MCCC2: variants seen among roughly 807,000 people sequenced by gnomAD.
MCCC2 encodes the protein methylcrotonyl-CoA carboxylase subunit 2.
In MCCC2, 52 loss-of-function variants were observed where a neutral mutation model predicts 77.2. That is an observed-to-expected ratio of 0.67 (90% CI 0.54 to 0.85). The LOEUF is 0.85. Among genes scored for constraint, MCCC2 ranks in the 40% least tolerant of loss-of-function variants. The probability of loss-of-function intolerance (pLI) is 0.00; values close to 1 mark genes in which losing one functional copy is unlikely to be tolerated. For missense variants in MCCC2, 682 were observed against 703.2 expected, an observed-to-expected ratio of 0.97 and a Z score of 0.34; for synonymous variants, 253 against 248.4, an observed-to-expected ratio of 1.02 and a Z score of -0.18.
At chr5:71,631,839 C>T (rs1048460916) in intron 7 of MCCC2, among the ~76,000 whole-genome samples, 12 of 152,200 alleles carry the variant, frequency 7.9e-5, no homozygotes, top group Non-Finnish European at 1.3e-4. Flanking sequence ...CGCGCCCGGC[C>T]AGGTCTTTCA....
At chr5:71,641,207 T>C (rs936821122) in intron 11 of MCCC2, 132 bp downstream of exon 11, 3 of 784,102 alleles carry the variant, frequency 3.8e-6, no homozygotes, top group Non-Finnish European at 6.5e-6. Flanking sequence ...TGAGCCACTT[T>C]TAAAAGGAAC....
intron 3 of MCCC2, 141 bp from the exon 4 acceptor site, chr5:71,599,518 T>C: frequency 1.4e-6 from 1 of 724,566 alleles, no homozygotes; most frequent in Non-Finnish European, 2.4e-6. Context: ...TTTTAGATTT[T>C]TAAAAATAGA....
At chr5:71,652,812 G>C in intron 16 of MCCC2, 58 bp downstream of exon 16, 1 of 1,376,928 alleles carries the variant, frequency 7.3e-7, no homozygotes, top group Non-Finnish European at 1.0e-6. Context: ...CAGAGGAACA[G>C]CTTTACAGAG....
intron 7 of MCCC2, 75 bp from the exon 8 acceptor site, chr5:71,632,046 A>G: frequency 8.2e-7 from 1 of 1,216,772 alleles, no homozygotes; most frequent in Non-Finnish European, 1.2e-6. Flanking sequence ...TCAGGTGAGG[A>G]GTTGTGCATG....
chr5:71,637,096 A>G (rs1359430086), intron 10 of MCCC2, among the ~76,000 whole-genome samples: 2 of 152,212 alleles, frequency 1.3e-5, no homozygotes, highest in Middle Eastern at 3.2e-3. Flanking sequence ...TTTTAAGTTC[A>G]GCTTAAAGAT....
At chr5:71,631,475 C>G (rs1746709097) in intron 7 of MCCC2, among the ~76,000 whole-genome samples, 1 of 151,304 alleles carries the variant, frequency 6.6e-6, no homozygotes, top group African/African-American at 2.4e-5. Context: ...GACACAAAGT[C>G]TTGACCACAT....
intron 7 of MCCC2, 73 bp from the exon 8 acceptor site, chr5:71,632,048 T>G: frequency 8.0e-7 from 1 of 1,244,442 alleles, no homozygotes; most frequent in Non-Finnish European, 1.2e-6. Flanking sequence ...AGGTGAGGAG[T>G]TGTGCATGTT....
intron 6 of MCCC2, among the ~76,000 whole-genome samples, chr5:71,608,891 T>A (rs1745799962): frequency 6.6e-6 from 1 of 152,224 alleles, no homozygotes; most frequent in Non-Finnish European, 1.5e-5. Flanking sequence ...ATGTTGAATA[T>A]TGGCCCCTAG....
chr5:71,602,423 G>A (rs565246830), intron 4 of MCCC2, 83 bp from the exon 5 acceptor site: 2 of 1,558,064 alleles, frequency 1.3e-6, no homozygotes, highest in Admixed American at 1.7e-5. Context: ...GTTGAAGGTT[G>A]TATTGGGGTA....
chr5:71,620,911 G>A (rs182936489), intron 6 of MCCC2, among the ~76,000 whole-genome samples: 2 of 152,248 alleles, frequency 1.3e-5, no homozygotes, highest in East Asian at 1.9e-4. Context: ...CATCTCACTG[G>A]TGACTGGGTG....
intron 4 of MCCC2, 81 bp downstream of exon 4, chr5:71,599,841 A>C: frequency 1.8e-6 from 2 of 1,102,466 alleles, no homozygotes; most frequent in Non-Finnish European, 2.8e-6. Flanking sequence ...CTCACTTTGC[A>C]TATTAGCATG....
At chr5:71,599,538 C>T in intron 3 of MCCC2, 121 bp from the exon 4 acceptor site, 1 of 766,154 alleles carries the variant, frequency 1.3e-6, no homozygotes, top group South Asian at 1.5e-5. Context: ...ATTTTATATA[C>T]AACATGTGTA....
chr5:71,615,570 G>A (rs7729450), intron 6 of MCCC2, among the ~76,000 whole-genome samples: 3,810 of 152,108 alleles, frequency 0.025, 153 homozygotes, highest in African/African-American at 0.086. Context: ...TGCTTTCTCA[G>A]TCAATTTCCT....
In MCCC2 at chr5:71,632,108, A is replaced by G; in HGVS notation, c.739-13A>G. ...TGGACCGATTTCACTGATGATTTTT[A>G]TCCTTGTTGTAGGTTAAAGCGGCAA... On this transcript the variant is annotated splice_polypyrimidine_tract_variant and intron_variant, in intron 7 of 16. Coordinates refer to ENST00000340941, the MANE Select transcript of MCCC2 (RefSeq NM_022132.5). 6.2e-7 allele frequency: 1 copy of G among 1,613,830 alleles called. No individual in the cohort carries two copies. The highest frequency in any genetic ancestry group is 1.1e-5 in the South Asian group (1 of 91,074).
At chr5:71,587,594 G>A (rs1372248253) in intron 1 of MCCC2, 40 bp downstream of exon 1, 6 of 1,527,762 alleles carry the variant, frequency 3.9e-6, no homozygotes, top group South Asian at 3.6e-5. Flanking sequence ...CCGGTGCCAG[G>A]CTAGGAAGCA....
intron 2 of MCCC2, among the ~76,000 whole-genome samples, chr5:71,593,677 C>T (rs946682849): frequency 2.6e-5 from 4 of 151,954 alleles, no homozygotes; most frequent in African/African-American, 9.7e-5. Context: ...TATGAGCCAC[C>T]ACACCTGGCC....
intron 5 of MCCC2, chr5:71,602,918 T>A: frequency 4.8e-6 from 2 of 420,266 alleles, no homozygotes; most frequent in Non-Finnish European, 8.5e-6. Flanking sequence ...GTTTTTCTTT[T>A]AACTTTATGG....
intron 2 of MCCC2, 112 bp downstream of exon 2, chr5:71,593,104 T>TGAGA: frequency 1.1e-6 from 1 of 927,334 alleles, no homozygotes; most frequent in Non-Finnish European, 1.7e-6. Context: ...TTTTTTTTTT[T>TGAGA]TGAGATGGAG....
At chr5:71,629,035 A>G (rs1486412017) in intron 7 of MCCC2, among the ~76,000 whole-genome samples, 3 of 151,904 alleles carry the variant, frequency 2.0e-5, no homozygotes, top group African/African-American at 7.3e-5. Flanking sequence ...GTGAAACCCC[A>G]TGTCTCCTGA....
Sources: gnomAD v4.1 joint callset for allele counts (sites outside exome capture counted in the v4.1 genomes callset) on GRCh38, gnomAD v4.1.1 for gene constraint, MANE v1.5 for transcripts, NCBI Gene and HGNC (gene_info 2026-07-23, HGNC 2026-07-21) for gene names.